DGKI: variants seen among roughly 807,000 people sequenced by gnomAD.
DGKI encodes DAG kinase iota.
Under a neutral mutation model 147.5 loss-of-function variants are expected in DGKI, and 55 were observed. That is an observed-to-expected ratio of 0.37 (90% CI 0.30 to 0.47). DGKI has a LOEUF of 0.47. Among genes scored for constraint, DGKI ranks in the 20% least tolerant of loss-of-function variants. DGKI has a pLI of 1.00. For missense variants in DGKI, 1,007 were observed against 1,323.8 expected, an observed-to-expected ratio of 0.76 and a Z score of 3.71; for synonymous variants, 469 against 477.1, an observed-to-expected ratio of 0.98 and a Z score of 0.22.
At chr7:137,605,454 C>T (rs1474667758) in intron 10 of DGKI, among the ~76,000 whole-genome samples, 1 of 151,956 alleles carries the variant, frequency 6.6e-6, no homozygotes, top group East Asian at 1.9e-4. Context: ...TGCTACCAAG[C>T]TCTACAGCTT....
At chr7:137,767,327 C>T (rs192909849) in intron 1 of DGKI, among the ~76,000 whole-genome samples, 1 of 152,164 alleles carries the variant, frequency 6.6e-6, no homozygotes, top group Middle Eastern at 3.4e-3. Flanking sequence ...AAAAAAAACT[C>T]TTTGGTAAGA....
intron 1 of DGKI, among the ~76,000 whole-genome samples, chr7:137,704,675 AAACTC>A (rs1793955792): frequency 6.6e-6 from 1 of 152,328 alleles, no homozygotes; most frequent in East Asian, 1.9e-4. Flanking sequence ...CAGGCTCAAT[AAACTC>A]TAAGATAAAC....
chr7:137,495,466 G>A (rs1461641426), intron 21 of DGKI, among the ~76,000 whole-genome samples: 1 of 134,954 alleles, frequency 7.4e-6, no homozygotes, highest in African/African-American at 2.8e-5. Context: ...CACTCGGTGA[G>A]GCCAGCACCA....
At chr7:137,740,287 T>A (rs556069643) in intron 1 of DGKI, among the ~76,000 whole-genome samples, 1 of 152,202 alleles carries the variant, frequency 6.6e-6, no homozygotes, top group Non-Finnish European at 1.5e-5. Context: ...TTTGATTTTA[T>A]TCCCATCATT....
chr7:137,490,871 G>T (rs2128937808), intron 21 of DGKI, among the ~76,000 whole-genome samples: 1 of 152,272 alleles, frequency 6.6e-6, no homozygotes, highest in East Asian at 1.9e-4. Context: ...AACTTTTATT[G>T]CAGGGATTAA....
chr7:137,649,798 A>G (rs924943057), intron 5 of DGKI, among the ~76,000 whole-genome samples: 4 of 148,840 alleles, frequency 2.7e-5, no homozygotes, highest in African/African-American at 9.9e-5. Context: ...TATATTTCAT[A>G]GAGTTTGAAA....
At chr7:137,555,076 C>A (rs1028673607) in intron 19 of DGKI, among the ~76,000 whole-genome samples, 1 of 151,450 alleles carries the variant, frequency 6.6e-6, no homozygotes, top group Non-Finnish European at 1.5e-5. Flanking sequence ...GCCACCACAC[C>A]CGGCTAATTT....
chr7:137,623,210 T>G (rs935181261), intron 7 of DGKI, among the ~76,000 whole-genome samples: 3 of 152,180 alleles, frequency 2.0e-5, no homozygotes, highest in Admixed American at 2.0e-4. Flanking sequence ...CTAGACCCAG[T>G]GTTAGAATTA....
intron 1 of DGKI, among the ~76,000 whole-genome samples, chr7:137,796,773 A>G (rs1244113810): frequency 1.3e-5 from 2 of 152,230 alleles, no homozygotes; most frequent in Non-Finnish European, 2.9e-5. Context: ...TTTGAGAAAC[A>G]GAAAAGAATG....
intron 29 of DGKI, among the ~76,000 whole-genome samples, chr7:137,411,061 A>T (rs1301190358): frequency 6.6e-6 from 1 of 152,220 alleles, no homozygotes; most frequent in African/African-American, 2.4e-5. Context: ...GGTGTCCTTC[A>T]GTTTGTCCAA....
At chr7:137,418,238 C>T (rs574164453) in intron 28 of DGKI, among the ~76,000 whole-genome samples, 2 of 152,266 alleles carry the variant, frequency 1.3e-5, no homozygotes, top group East Asian at 3.9e-4. Flanking sequence ...GTTTACCAAG[C>T]TCCAGTTCTA....
At chr7:137,721,334 G>C (rs1206874756) in intron 1 of DGKI, among the ~76,000 whole-genome samples, 3 of 152,164 alleles carry the variant, frequency 2.0e-5, no homozygotes, top group Admixed American at 2.0e-4. Flanking sequence ...TCCTAGAAGA[G>C]AATTGATCAA....
intron 30 of DGKI, among the ~76,000 whole-genome samples, chr7:137,399,987 T>A (rs1419824213): frequency 6.6e-6 from 1 of 151,808 alleles, no homozygotes; most frequent in Non-Finnish European, 1.5e-5. Flanking sequence ...ACACCACAGG[T>A]ACTGCTTCAA....
intron 12 of DGKI, among the ~76,000 whole-genome samples, chr7:137,592,589 T>G (rs1223388418): frequency 6.6e-6 from 1 of 152,220 alleles, no homozygotes; most frequent in African/African-American, 2.4e-5. Context: ...AAACTGATAT[T>G]TTCTTCCAAG....
rs1811240087 is a variant in DGKI at position 137,388,298 on chromosome 7, T to G, written c.*2922A>C. 1 of 152,158 alleles carries G rather than the reference T, an allele frequency of 6.6e-6. No individual in the cohort carries two copies. The highest frequency in any genetic ancestry group is 2.4e-5 in the African/African-American group (1 of 41,452). 9.4% of individuals were successfully genotyped at this position (152,158 alleles called of 1,614,324 possible). A position where few individuals can be genotyped will look rare whatever the true frequency, so the allele number is the denominator to read the frequency against. ...ATATAAGCTTGCAAAAATGACTACC[T>G]TTCAGGTTACAGAATGTTGTCTTTT... On this transcript the variant is annotated 3_prime_UTR_variant, in exon 33 of 33. Transcript: ENST00000614521.
At chr7:137,401,471 C>T (rs995982205) in intron 30 of DGKI, among the ~76,000 whole-genome samples, 14 of 151,984 alleles carry the variant, frequency 9.2e-5, no homozygotes, top group African/African-American at 3.4e-4. Context: ...ATCAAAGTTA[C>T]AGTGAGCCAT....
intron 19 of DGKI, among the ~76,000 whole-genome samples, chr7:137,554,772 T>C (rs1201851154): frequency 6.6e-6 from 1 of 151,870 alleles, no homozygotes; most frequent in African/African-American, 2.4e-5. Flanking sequence ...GCCTCATTCC[T>C]GGAACAAAGT....
At chr7:137,527,190 T>C (rs200972664) in intron 20 of DGKI, among the ~76,000 whole-genome samples, 1 of 142,848 alleles carries the variant, frequency 7.0e-6, no homozygotes, top group Non-Finnish European at 1.5e-5. Context: ...ATGAGACATA[T>C]ATAAGGCAGT....
chr7:137,521,468 T>C (rs924740386), intron 21 of DGKI, among the ~76,000 whole-genome samples: 1 of 152,068 alleles, frequency 6.6e-6, no homozygotes, highest in African/African-American at 2.4e-5. Flanking sequence ...CTTTGCCACA[T>C]CTCTGTGACG....
Sources: allele counts gnomAD v4.1 joint callset (sites outside exome capture counted in the v4.1 genomes callset), GRCh38; gene constraint gnomAD v4.1.1; transcripts MANE v1.5; gene names NCBI Gene and HGNC (gene_info 2026-07-23, HGNC 2026-07-21).